The following CNIH3 variants were observed in gnomAD, a reference collection of about 807,000 sequenced individuals.
The protein encoded by CNIH3 is cornichon family AMPA receptor auxiliary protein 3.
Under a neutral mutation model 24.1 loss-of-function variants are expected in CNIH3, and 14 were observed. The ratio of observed to expected loss-of-function variants is 0.58; its 90% CI spans 0.38 to 0.91. The LOEUF is 0.91. Ranked by LOEUF, CNIH3 falls within the 40% of genes least tolerant of loss-of-function variation. CNIH3 has a pLI of 0.00. For missense variants in CNIH3, 178 were observed against 196.8 expected, an observed-to-expected ratio of 0.90 and a Z score of 0.57; for synonymous variants, 68 against 73.8, an observed-to-expected ratio of 0.92 and a Z score of 0.40.
intron 3 of CNIH3, among the ~76,000 whole-genome samples, chr1:224,720,759 T>C (rs1024808999): frequency 2.0e-5 from 3 of 152,138 alleles, no homozygotes; most frequent in Admixed American, 6.5e-5. Context: ...CCTGGAAGTC[T>C]CCCAGGTTTA....
At chr1:224,475,513 C>A (rs1676553408) in intron 1 of CNIH3, among the ~76,000 whole-genome samples, 1 of 152,048 alleles carries the variant, frequency 6.6e-6, no homozygotes, top group Non-Finnish European at 1.5e-5. Flanking sequence ...TAGATACATA[C>A]AACCTACCAA....
chr1:224,686,331 T>G (rs558752624), intron 3 of CNIH3, among the ~76,000 whole-genome samples: 1 of 152,264 alleles, frequency 6.6e-6, no homozygotes, highest in Non-Finnish European at 1.5e-5. Flanking sequence ...ACAAAGGACA[T>G]GAATTCATCC....
intron 1 of CNIH3, among the ~76,000 whole-genome samples, chr1:224,464,201 A>G (rs1471240134): frequency 6.6e-6 from 1 of 152,166 alleles, no homozygotes; most frequent in Non-Finnish European, 1.5e-5. Context: ...GTCATGTCTA[A>G]GCAATCTTTG....
chr1:224,525,349 C>G (rs1304439958), intron 2 of CNIH3, among the ~76,000 whole-genome samples: 1 of 152,172 alleles, frequency 6.6e-6, no homozygotes, highest in Non-Finnish European at 1.5e-5. Flanking sequence ...TGGGGGAAGA[C>G]CTAGTTGAGT....
intron 1 of CNIH3, among the ~76,000 whole-genome samples, chr1:224,498,988 C>T (rs1359556308): frequency 6.6e-6 from 1 of 152,214 alleles, no homozygotes; most frequent in African/African-American, 2.4e-5. Flanking sequence ...ACCAGTAGCT[C>T]CCCAGAGGGC....
In CNIH3 at chr1:224,616,525, G is replaced by T; in HGVS notation, c.-650G>T. 4 of 986,958 alleles carry T rather than the reference G, an allele frequency of 4.1e-6. No individual in the cohort carries two copies. Among genetic ancestry groups the T allele is most frequent in the Non-Finnish European group, 3.6e-6 (3 of 830,746 alleles). 61.1% of individuals were successfully genotyped at this position (986,958 alleles called of 1,614,324 possible). ...GCCGGAGTCACGGTTGGGGACGGGC[G>T]CGCCTCGGAGCGCACGGCTGCGCTG... is the stretch of plus-strand genomic sequence containing the variant. On this transcript the variant is annotated 5_prime_UTR_variant, in exon 1 of 6. Transcript: ENST00000272133.
intron 2 of CNIH3, among the ~76,000 whole-genome samples, chr1:224,527,047 A>G (rs1678875419): frequency 1.3e-5 from 2 of 152,174 alleles, no homozygotes; most frequent in African/African-American, 4.8e-5. Context: ...TTATATTTCA[A>G]CCTGAGATTT....
intron 1 of CNIH3, among the ~76,000 whole-genome samples, chr1:224,520,232 A>T (rs1461837643): frequency 6.6e-6 from 1 of 152,240 alleles, no homozygotes; most frequent in African/African-American, 2.4e-5. Flanking sequence ...CCCTAAATTT[A>T]TTATGCAGCA....
In CNIH3 at chr1:224,631,306, C is replaced by A. The variant is rs544816861; in HGVS notation, c.81+14051C>A. ...GCCATGCCACCGTGAATCCACCTAG[C>A]GTTCCTCTCCATTCATCAGCTTTCC... On this transcript the variant is annotated intron_variant, in intron 1 of 5. Coordinates refer to ENST00000272133, the MANE Select transcript of CNIH3 (RefSeq NM_152495.2). Among the ~76,000 whole-genome samples, 7 of 152,224 alleles carry A rather than the reference C, an allele frequency of 4.6e-5. No homozygotes were observed. The South Asian group carries it at 1.5e-3, about 32-fold the overall frequency.
chr1:224,686,814 C>A lies in CNIH3; in HGVS notation c.198+1971C>A, dbSNP rs189426689. 2.8e-4 allele frequency among the ~76,000 whole-genome samples: 43 copies of A among 152,348 alleles called. 1 individual carries two copies. The highest frequency in any genetic ancestry group is 8.5e-4 in the Admixed American group (13 of 15,310). ...TGGCCCACAGACTTGCAGCCCAGAG[C>A]TAAGGGTATGAAAGTAAGCACACTA... is the stretch of plus-strand genomic sequence containing the variant. On this transcript the variant is annotated intron_variant, in intron 3 of 5. Coordinates refer to ENST00000272133, the MANE Select transcript of CNIH3 (RefSeq NM_152495.2).
chr1:224,677,004 G>GT (rs1686171838), intron 1 of CNIH3, among the ~76,000 whole-genome samples: 1 of 152,286 alleles, frequency 6.6e-6, no homozygotes, highest in South Asian at 2.1e-4. Context: ...GCAGAATAAC[G>GT]TAATGGTAAC....
At chr1:224,678,330 A>G (rs1463231950) in intron 1 of CNIH3, among the ~76,000 whole-genome samples, 1 of 152,246 alleles carries the variant, frequency 6.6e-6, no homozygotes, top group Non-Finnish European at 1.5e-5. Flanking sequence ...TGATATGGCC[A>G]CAAAAAAGCT....
At chr1:224,647,151 G>A (rs1420496732) in intron 1 of CNIH3, among the ~76,000 whole-genome samples, 5 of 151,990 alleles carry the variant, frequency 3.3e-5, no homozygotes, top group Non-Finnish European at 5.9e-5. Flanking sequence ...CCCAGCTCAC[G>A]TCTGTATTTT....
chr1:224,562,615 G>A (rs902112092), intron 3 of CNIH3, among the ~76,000 whole-genome samples: 1 of 152,096 alleles, frequency 6.6e-6, no homozygotes, highest in African/African-American at 2.4e-5. Flanking sequence ...GGAGGTGTTT[G>A]GATCAGGTGG....
chr1:224,711,640 C>A (rs1243613616), intron 3 of CNIH3, among the ~76,000 whole-genome samples: 2 of 150,944 alleles, frequency 1.3e-5, no homozygotes, highest in Admixed American at 1.3e-4. Context: ...ACAAAAAATA[C>A]AAAAATTAGC....
chr1:224,706,873 A>G (rs947469269), intron 3 of CNIH3, among the ~76,000 whole-genome samples: 2 of 151,120 alleles, frequency 1.3e-5, no homozygotes, highest in African/African-American at 4.9e-5. Context: ...TTGACTTTTC[A>G]TTATTCACAT....
At chr1:224,441,756 T>C (rs1674925207) in intron 1 of CNIH3, among the ~76,000 whole-genome samples, 2 of 152,340 alleles carry the variant, frequency 1.3e-5, no homozygotes, top group Admixed American at 6.5e-5. Context: ...TAAAAACTTA[T>C]TGAAGGGATC....
At chr1:224,646,403 GTTTGTT>G (rs1029352290) in intron 1 of CNIH3, among the ~76,000 whole-genome samples, 1 of 152,178 alleles carries the variant, frequency 6.6e-6, no homozygotes, top group Non-Finnish European at 1.5e-5. Flanking sequence ...CATGTTGTTT[GTTTGTT>G]TTTGTTTTTG....
rs1339111661 is a variant in CNIH3 at position 224,739,562 on chromosome 1, T to C, written c.*206T>C. On this transcript the variant is annotated 3_prime_UTR_variant, in exon 6 of 6. Coordinates refer to ENST00000272133, the MANE Select transcript of CNIH3 (RefSeq NM_152495.2). ...GTGTCTGTGTCACCCTGTTTGTCAA[T>C]CTTTGGCATTCGAATTCCACACACG... is the stretch of plus-strand genomic sequence containing the variant. 1.1e-6 allele frequency: 1 copy of C among 917,382 alleles called. No homozygotes were observed. Among genetic ancestry groups the C allele is most frequent in the Non-Finnish European group, 1.6e-6 (1 of 619,304 alleles). The allele number at this position is 917,382 out of a possible 1,614,324, so 56.8% of individuals were successfully genotyped here.
Sources: gnomAD v4.1 joint callset for allele counts (sites outside exome capture counted in the v4.1 genomes callset) on GRCh38, gnomAD v4.1.1 for gene constraint, MANE v1.5 for transcripts, NCBI Gene and HGNC (gene_info 2026-07-23, HGNC 2026-07-21) for gene names.